The following ZNF335 variants were observed in gnomAD, a reference collection of about 807,000 sequenced individuals.
ZNF335 encodes the protein zinc finger protein 335.
A neutral mutation model predicts 145.6 loss-of-function variants in ZNF335; 84 were observed. That is an observed-to-expected ratio of 0.58 (90% CI 0.48 to 0.69). The LOEUF is 0.69. Among genes scored for constraint, ZNF335 ranks in the 30% least tolerant of loss-of-function variants. ZNF335 has a pLI of 0.00. For synonymous variants in ZNF335, 761 were observed against 717.0 expected, an observed-to-expected ratio of 1.06 and a Z score of -0.98; for missense variants, 1,865 against 1,809.7, an observed-to-expected ratio of 1.03 and a Z score of -0.55.
intron 2 of ZNF335, among the ~76,000 whole-genome samples, chr20:45,970,860 G>C (rs750869053): frequency 4.0e-5 from 6 of 151,514 alleles, no homozygotes; most frequent in Admixed American, 6.6e-5. Context: ...CAAAGTGCTG[G>C]GATTACAGGC....
At chr20:45,971,046 G>A (rs550477656) in intron 2 of ZNF335, among the ~76,000 whole-genome samples, 164 bp downstream of exon 2, 23 of 152,344 alleles carry the variant, frequency 1.5e-4, no homozygotes, top group African/African-American at 5.3e-4. Flanking sequence ...AAGGTATGAA[G>A]CTCAAATGAG....
chr20:45,953,670 T>C lies in ZNF335; in HGVS notation c.2702+19A>G. ...ACCTACAAAAAGCTGAAAGGGGCCT[T>C]GCAGGCAGCAGGTCTCACCTGTAAG... On this transcript the variant is annotated intron_variant, in intron 18 of 27. Coordinates refer to ENST00000322927, the MANE Select transcript of ZNF335 (RefSeq NM_022095.4). The C allele has an allele frequency of 6.2e-7, 1 of 1,610,146 alleles. No homozygotes were observed. Among genetic ancestry groups the C allele is most frequent in the Non-Finnish European group, 8.5e-7 (1 of 1,176,788 alleles).
chr20:45,950,355 G>A lies in ZNF335; in HGVS notation c.3351C>T (p.His1117=). Residue 1117 remains histidine, a synonymous_variant, in exon 22 of 28, where the codon CAC becomes CAT. Coordinates refer to ENST00000322927, the MANE Select transcript of ZNF335 (RefSeq NM_022095.4). ...LCGQRFNRNG[H]LKFHIQRLHS... is the part of the protein sequence containing the mutation. ...GCAGCCGCTGGATGTGGAACTTGAGGTGCCCGTTACGGTTGAAACTGAGGG... is the reference window on the plus strand; with the variant it reads ...GCAGCCGCTGGATGTGGAACTTGAGATGCCCGTTACGGTTGAAACTGAGGG... 1 of 1,590,826 alleles carries A rather than the reference G, an allele frequency of 6.3e-7. No individual in the cohort carries two copies. The highest frequency in any genetic ancestry group is 1.1e-5 in the South Asian group (1 of 87,126).
chr20:45,955,350 C>CAAAA lies in ZNF335; in HGVS notation c.2443-1406_2443-1403dup, dbSNP rs61555698. Among the ~76,000 whole-genome samples the CAAAA allele has an allele frequency of 8.9e-3, 332 of 37,320 alleles. 13 individuals carry two copies. Among genetic ancestry groups the CAAAA allele is most frequent in the Non-Finnish European group, 0.012 (269 of 22,348 alleles). The allele number at this position is 37,320 out of a possible 152,430, so 24.5% of individuals were successfully genotyped here. On this transcript the variant is annotated intron_variant, in intron 17 of 27. Transcript: ENST00000322927. ...TGGGCAACAGAGCAAGACTCTGTCT[C>CAAAA]AAAAAAAAAAAAAAAAAAAAGATTT...
At chr20:45,969,953 A>T in intron 2 of ZNF335, 1 of 384,644 alleles carries the variant, frequency 2.6e-6, no homozygotes. Context: ...AGCCAGGGGG[A>T]GCTATTTTCT....
At chr20:45,950,666 T>C in intron 20 of ZNF335, 71 bp from the exon 21 acceptor site, 1 of 1,586,124 alleles carries the variant, frequency 6.3e-7, no homozygotes, top group Non-Finnish European at 8.6e-7. Flanking sequence ...GGATCCCTGC[T>C]GACAGCTGGT....
At chr20:45,969,898 T>C in intron 2 of ZNF335, 1 of 532,702 alleles carries the variant, frequency 1.9e-6, no homozygotes, top group Admixed American at 3.4e-5. Flanking sequence ...TCCCTGGATC[T>C]CATCAGGGAA....
chr20:45,968,574 C>G (rs2145417559), intron 3 of ZNF335: 1 of 479,488 alleles, frequency 2.1e-6, no homozygotes, highest in East Asian at 3.0e-5. Flanking sequence ...GCTGACTCAG[C>G]AGCCGGCCCA....
chr20:45,971,413 G>A lies in ZNF335; in HGVS notation c.-3C>T. The A allele has an allele frequency of 6.3e-7, 1 of 1,599,688 alleles. No individual in the cohort carries two copies. Among genetic ancestry groups the A allele is most frequent in the Non-Finnish European group, 8.5e-7 (1 of 1,179,664 alleles). On this transcript the variant is annotated 5_prime_UTR_variant, in exon 2 of 28. Transcript: ENST00000322927. ...CTCTCCACCTCGTTCTCCTCCATCT[G>A]ATCGGCGGGCTGCCTGACAGCGGGG...
At position 45,949,231 on chromosome 20, in the gene ZNF335, G is replaced by C; in HGVS notation, c.3840C>G (p.Ser1280=). The change falls in exon 27 of 28, where the codon TCC becomes TCG. Residue 1280 remains serine, a synonymous_variant. Transcript: ENST00000322927. ...QESQIQYVPV[S]PGQQLVTQAQ... is the part of the protein sequence containing the mutation. ...CCTGTGTGACAAGCTGCTGGCCTGG[G>C]GACACAGGCACATACTGGATCTGGA... 6.2e-7 allele frequency: 1 copy of C among 1,613,868 alleles called. No individual in the cohort carries two copies. Among genetic ancestry groups the C allele is most frequent in the Non-Finnish European group, 8.5e-7 (1 of 1,180,004 alleles).
In ZNF335 at chr20:45,967,741, G is replaced by C; in HGVS notation, c.807C>G (p.Phe269Leu). The change falls in exon 5 of 28, where the codon TTC (phenylalanine) becomes TTG (leucine). Residue 269 changes from phenylalanine to leucine, a missense_variant. Transcript: ENST00000322927. ...TLLRHMRERH[F>L]RPVAAAAAAA... The stretch of plus-strand genomic sequence containing the variant: ...AGGCTGCTACTGACGCACCTGGACG[G>C]AAGTGGCGTTCCCGCATGTGGCGCA... 1 of 1,610,648 alleles carries C rather than the reference G, an allele frequency of 6.2e-7. No homozygotes were observed. Among genetic ancestry groups the C allele is most frequent in the Non-Finnish European group, 8.5e-7 (1 of 1,178,134 alleles).
chr20:45,956,417 G>C (rs2083730101), intron 17 of ZNF335, among the ~76,000 whole-genome samples: 1 of 152,000 alleles, frequency 6.6e-6, no homozygotes, highest in Non-Finnish European at 1.5e-5. Flanking sequence ...TAGTAGCAAT[G>C]GGGTTTCTCC....
At position 45,972,026 on chromosome 20, in the gene ZNF335, C is replaced by T. The variant is rs564370763; in HGVS notation, c.-51+96G>A. 9 of 1,238,578 alleles carry T rather than the reference C, an allele frequency of 7.3e-6. No homozygotes were observed. In the East Asian group the frequency reaches 3.7e-4, roughly 51 times the overall value. The allele number at this position is 1,238,578 out of a possible 1,614,324, so 76.7% of individuals were successfully genotyped here. On this transcript the variant is annotated intron_variant, in intron 1 of 27. Coordinates refer to ENST00000322927, the MANE Select transcript of ZNF335 (RefSeq NM_022095.4). ...ACCCCGGGGCCCTGTTCGGACAGCCCCGCCGGCCTGGGACCTCGCCTCCGG... is the reference window on the plus strand; with the variant it reads ...ACCCCGGGGCCCTGTTCGGACAGCCTCGCCGGCCTGGGACCTCGCCTCCGG...
rs929232357 is a variant in ZNF335, at chr20:45,960,789, A to G, written c.1666-57T>C. ...AAAGAAGTGGAGGAGGGAGGATAAA[A>G]CCTCCCCTCTTGTCCTCACCCCCAT... On this transcript the variant is annotated intron_variant, in intron 11 of 27. Transcript: ENST00000322927. 3.1e-6 allele frequency: 5 copies of G among 1,608,292 alleles called. No individual in the cohort carries two copies. The African/African-American group carries it at 6.7e-5, about 22-fold the overall frequency.
chr20:45,965,497 C>G (rs1359166581), intron 7 of ZNF335, 131 bp downstream of exon 7: 7 of 1,083,056 alleles, frequency 6.5e-6, no homozygotes, highest in Non-Finnish European at 9.0e-6. Flanking sequence ...TCCCTGGAGG[C>G]CTGCAGGTGA....
At chr20:45,950,723 C>T (rs1019831978) in intron 20 of ZNF335, 128 bp from the exon 21 acceptor site, 6 of 1,321,844 alleles carry the variant, frequency 4.5e-6, no homozygotes, top group Non-Finnish European at 6.3e-6. Flanking sequence ...ATCCTGTGCA[C>T]TAACAAGAAG....
chr20:45,965,597 C>T, intron 7 of ZNF335, 31 bp downstream of exon 7: 1 of 1,580,578 alleles, frequency 6.3e-7, no homozygotes, highest in Non-Finnish European at 8.6e-7. Flanking sequence ...CTGACCCACC[C>T]ACACGAGCCC....
chr20:45,959,937 C>T (rs1016643334), intron 14 of ZNF335, among the ~76,000 whole-genome samples: 1 of 152,212 alleles, frequency 6.6e-6, no homozygotes, highest in Non-Finnish European at 1.5e-5. Flanking sequence ...ATATGGCAGG[C>T]ACTCTGATTC....
intron 17 of ZNF335, among the ~76,000 whole-genome samples, chr20:45,956,015 T>C (rs2083722572): frequency 6.6e-6 from 1 of 152,132 alleles, no homozygotes; most frequent in Admixed American, 6.6e-5. Context: ...GGCCAGGCCG[T>C]GCATCACATG....
Sources: allele counts gnomAD v4.1 joint callset (sites outside exome capture counted in the v4.1 genomes callset), GRCh38; gene constraint gnomAD v4.1.1; transcripts MANE v1.5; gene names NCBI Gene and HGNC (gene_info 2026-07-23, HGNC 2026-07-21).